The following IL7R variants were observed in gnomAD, a reference collection of about 807,000 sequenced individuals.
The protein encoded by IL7R is interleukin-7 receptor subunit alpha.
IL7R carries 38 observed loss-of-function variants against 47.0 expected under a neutral mutation model. The observed-to-expected ratio is 0.81, with a 90% CI of 0.62 to 1.06. The LOEUF is 1.06. Among genes scored for constraint, IL7R ranks in the 50% least tolerant of loss-of-function variants. The probability of loss-of-function intolerance (pLI) is 0.00; values close to 1 mark genes in which losing one functional copy is unlikely to be tolerated. For synonymous variants in IL7R, 221 were observed against 199.8 expected (o/e 1.11, Z -0.89); for missense variants, 633 against 534.8 (o/e 1.18, Z -1.81).
chr5:35,867,143 T>G (rs779864539), intron 2 of IL7R, among the ~76,000 whole-genome samples, 163 bp from the exon 3 acceptor site: 5 of 152,118 alleles, frequency 3.3e-5, no homozygotes, highest in Non-Finnish European at 5.9e-5. Context: ...GCCATAAGAT[T>G]TTAATTCATT....
intron 3 of IL7R, among the ~76,000 whole-genome samples, chr5:35,870,105 G>T (rs941505461): frequency 2.6e-5 from 4 of 152,210 alleles, no homozygotes; most frequent in Non-Finnish European, 4.4e-5. Context: ...CATGCAAGAA[G>T]TAGCACCCCC....
Position 35,877,817 on chromosome 5 carries a change from A to T in IL7R, c.*1331A>T. On this transcript the variant is annotated 3_prime_UTR_variant, in exon 8 of 8. Transcript: ENST00000303115. ...AGACTGACTTCTAATGACTAACTCA[A>T]AGTCAAGGCAACTGAGTAATGTCAG... 1 of 233,242 alleles carries T rather than the reference A, an allele frequency of 4.3e-6. No individual in the cohort carries two copies. Among genetic ancestry groups the T allele is most frequent in the Non-Finnish European group, 8.5e-6 (1 of 118,052 alleles). The allele number at this position is 233,242 out of a possible 1,614,324, so 14.4% of individuals were successfully genotyped here.
chr5:35,867,277 C>A (rs910624460), intron 2 of IL7R, 29 bp from the exon 3 acceptor site: 9 of 1,607,508 alleles, frequency 5.6e-6, no homozygotes, highest in African/African-American at 1.3e-5. Flanking sequence ...CTACCTGAAT[C>A]AAGACATATC....
chr5:35,871,277 G>C, intron 4 of IL7R, 64 bp downstream of exon 4: 1 of 1,363,628 alleles, frequency 7.3e-7, no homozygotes, highest in South Asian at 1.2e-5. Context: ...TGTTGGCCTA[G>C]TAGTGCATTT....
Position 35,876,647 on chromosome 5 carries a change from T to G in IL7R, c.*161T>G. ...GAAACATTGCTTTGACCACTCTTCC[T>G]GAGTTCAGTGGCACTCAACATGAGT... On this transcript the variant is annotated 3_prime_UTR_variant, in exon 8 of 8. Transcript: ENST00000303115. 1 of 755,174 alleles carries G rather than the reference T, an allele frequency of 1.3e-6. No individual in the cohort carries two copies. The highest frequency in any genetic ancestry group is 2.2e-6 in the Non-Finnish European group (1 of 445,702). The allele number at this position is 755,174 out of a possible 1,614,324, so 46.8% of individuals were successfully genotyped here.
At chr5:35,870,747 A>G (rs1404416238) in intron 3 of IL7R, among the ~76,000 whole-genome samples, 1 of 152,144 alleles carries the variant, frequency 6.6e-6, no homozygotes, top group Non-Finnish European at 1.5e-5. Flanking sequence ...CACCGTCTGT[A>G]ATGCAGGACT....
chr5:35,873,378 G>T, intron 4 of IL7R, 102 bp from the exon 5 acceptor site: 2 of 994,870 alleles, frequency 2.0e-6, no homozygotes, highest in South Asian at 1.4e-5. Context: ...CAACTTCAGA[G>T]AATGCTTATG....
intron 1 of IL7R, 86 bp from the exon 2 acceptor site, chr5:35,860,766 G>A (rs564259607): frequency 2.3e-5 from 29 of 1,282,770 alleles, no homozygotes; most frequent in Non-Finnish European, 2.9e-5. Flanking sequence ...CTGCCACAGA[G>A]TCTGCTATTT....
At position 35,871,085 on chromosome 5, in the gene IL7R, G is replaced by C. The variant is rs2149901620; in HGVS notation, c.409G>C (p.Val137Leu). 1 of 1,612,788 alleles carries C rather than the reference G, an allele frequency of 6.2e-7. No individual in the cohort carries two copies. The highest frequency in any genetic ancestry group is 8.5e-7 in the Non-Finnish European group (1 of 1,178,840). Residue 137 changes from valine to leucine, a missense_variant, in exon 4 of 8, where the codon GTC becomes CTC. By Grantham distance (32) the Val-to-Leu change is conservative. Coordinates refer to ENST00000303115, the MANE Select transcript of IL7R (RefSeq NM_002185.5). ...ACCTGAGGCTCCTTTTGACCTGAGT[G>C]TCGTCTATCGGGAAGGAGCCAATGA... is the stretch of plus-strand genomic sequence containing the variant. ...VKPEAPFDLS[V>L]VYREGANDFV...
intron 5 of IL7R, among the ~76,000 whole-genome samples, chr5:35,874,128 G>C (rs975436658): frequency 1.3e-5 from 2 of 152,100 alleles, no homozygotes; most frequent in African/African-American, 4.8e-5. Context: ...TTTGCAACAG[G>C]GGTGAACATC....
intron 5 of IL7R, 139 bp downstream of exon 5, chr5:35,873,787 A>T: frequency 1.2e-6 from 1 of 809,410 alleles, no homozygotes; most frequent in South Asian, 1.4e-5. Context: ...TTCTTTGGAG[A>T]ATGACTTGCC....
At chr5:35,862,397 T>A (rs936952172) in intron 2 of IL7R, among the ~76,000 whole-genome samples, 3 of 152,126 alleles carry the variant, frequency 2.0e-5, no homozygotes, top group Non-Finnish European at 4.4e-5. Flanking sequence ...CACACCATAT[T>A]TGACCACTTC....
chr5:35,867,300 C>T lies in IL7R; in HGVS notation c.222-6C>T, dbSNP rs1318069912. The stretch of plus-strand genomic sequence containing the variant: ...ATCAAGACATATCCCCTTTTTATTC[C>T]TACAGTGGGGCCCTCGTGGAGGTAA... On this transcript the variant is annotated splice_polypyrimidine_tract_variant and splice_region_variant and intron_variant, in intron 2 of 7. Transcript: ENST00000303115. 1.9e-6 allele frequency: 3 copies of T among 1,612,870 alleles called. No individual in the cohort carries two copies. Among genetic ancestry groups the T allele is most frequent in the Middle Eastern group, 3.3e-4 (2 of 6,080 alleles).
intron 5 of IL7R, among the ~76,000 whole-genome samples, chr5:35,873,978 G>A (rs565660903): frequency 6.6e-6 from 1 of 152,108 alleles, no homozygotes; most frequent in African/African-American, 2.4e-5. Context: ...TGTCTCTAAG[G>A]CCCCTTTAAG....
At position 35,876,243 on chromosome 5, in the gene IL7R, C is replaced by G. The variant is rs1474294679; in HGVS notation, c.1137C>G (p.Ala379=). Residue 379 remains alanine (A), a synonymous_variant, in exon 8 of 8, where the codon GCC becomes GCG. Coordinates refer to ENST00000303115, the MANE Select transcript of IL7R (RefSeq NM_002185.5). ...CTGGGAATGTCAGTGCATGTGACGC[C>G]CCTATTCTCTCCTCTTCCAGGTCCC... ...CLAGNVSACD[A]PILSSSRSLD... The G allele has an allele frequency of 1.2e-6, 2 of 1,614,080 alleles. No individual in the cohort carries two copies. The highest frequency in any genetic ancestry group is 3.3e-5 in the Admixed American group (2 of 60,006).
At chr5:35,874,579 G>A in intron 6 of IL7R, 37 bp downstream of exon 6, 1 of 1,404,136 alleles carries the variant, frequency 7.1e-7, no homozygotes, top group Non-Finnish European at 1.0e-6. Flanking sequence ...GTGATTGTGT[G>A]GGATCACGGA....
chr5:35,865,288 C>G (rs1343956365), intron 2 of IL7R, among the ~76,000 whole-genome samples: 3 of 152,158 alleles, frequency 2.0e-5, no homozygotes, highest in Non-Finnish European at 4.4e-5. Flanking sequence ...AGGACATGAA[C>G]TCATCCTTTT....
Position 35,879,060 on chromosome 5 carries a change from T to G in IL7R, c.*2574T>G, listed in dbSNP as rs1241342156. On this transcript the variant is annotated 3_prime_UTR_variant, in exon 8 of 8. Coordinates refer to ENST00000303115, the MANE Select transcript of IL7R (RefSeq NM_002185.5). ...AAGATTACTAATTGGTTCTGCCCAA[T>G]CTCCTTTCAGATTTTATTAGGAAAA... 26 of 232,598 alleles carry G rather than the reference T, an allele frequency of 1.1e-4. No individual in the cohort carries two copies. In the Admixed American group the frequency reaches 1.5e-3, roughly 13 times the overall value. The allele number at this position is 232,598 out of a possible 1,614,324, so 14.4% of individuals were successfully genotyped here.
chr5:35,867,348 A>G lies in IL7R; in HGVS notation c.264A>G (p.Leu88=). The G allele has an allele frequency of 6.2e-7, 1 of 1,613,682 alleles. No individual in the cohort carries two copies. Among genetic ancestry groups the G allele is most frequent in the Non-Finnish European group, 8.5e-7 (1 of 1,179,640 alleles). The change falls in exon 3 of 8, where the codon CTA becomes CTG. Residue 88 remains leucine, a synonymous_variant. Transcript: ENST00000303115. ...VEVKCLNFRK[L]QEIYFIETKK... is the part of the protein sequence containing the mutation. ...TAAAGTGCCTGAATTTCAGGAAACTACAAGAGATATATTTCATCGAGACAA... is the reference window on the plus strand; with the variant it reads ...TAAAGTGCCTGAATTTCAGGAAACTGCAAGAGATATATTTCATCGAGACAA...
Sources: gnomAD v4.1 joint callset for allele counts (sites outside exome capture counted in the v4.1 genomes callset) on GRCh38, gnomAD v4.1.1 for gene constraint, MANE v1.5 for transcripts, NCBI Gene and HGNC (gene_info 2026-07-23, HGNC 2026-07-21) for gene names.